COG6: variants seen among roughly 807,000 people sequenced by gnomAD.
The protein encoded by COG6 is conserved oligomeric Golgi complex subunit 6.
Under a neutral mutation model 88.8 loss-of-function variants are expected in COG6, and 74 were observed. The ratio of observed to expected loss-of-function variants is 0.83; its 90% CI spans 0.69 to 1.01. COG6 has a LOEUF of 1.01. Ranked by LOEUF, COG6 falls within the 50% of genes least tolerant of loss-of-function variation. COG6 has a pLI of 0.00. For missense variants in COG6, 800 were observed against 797.9 expected (o/e 1.00, Z -0.03); for synonymous variants, 286 against 278.7 (o/e 1.03, Z -0.26).
chr13:39,704,539 G>T (rs1253050785), intron 13 of COG6, among the ~76,000 whole-genome samples: 2 of 152,164 alleles, frequency 1.3e-5, no homozygotes, highest in Non-Finnish European at 2.9e-5. Flanking sequence ...ACATTGAGTA[G>T]GCTGAGGAGG....
chr13:39,767,716 A>G (rs1157771714), intron 18 of COG6, among the ~76,000 whole-genome samples: 1 of 152,124 alleles, frequency 6.6e-6, no homozygotes, highest in Non-Finnish European at 1.5e-5. Context: ...GCTTGGAAGT[A>G]TTTCACCCCT....
At chr13:39,723,232 G>T in intron 15 of COG6, 101 bp from the exon 16 acceptor site, 1 of 735,498 alleles carries the variant, frequency 1.4e-6, no homozygotes, top group East Asian at 2.6e-5. Context: ...TGTTACAGAG[G>T]TGATCCCTGT....
rs751000285 is a variant in COG6, at chr13:39,660,828, G to A, written c.316G>A (p.Glu106Lys). The A allele has an allele frequency of 1.2e-6, 2 of 1,608,738 alleles. No individual in the cohort carries two copies. Among genetic ancestry groups the A allele is most frequent in the Non-Finnish European group, 1.7e-6 (2 of 1,175,644 alleles). The change falls in exon 3 of 19, where the codon GAA (glutamate) becomes AAA (lysine). Residue 106 changes from glutamate (E) to lysine (K), a missense_variant. By Grantham distance (56) the Glu-to-Lys change is moderately conservative. Transcript: ENST00000455146. ...TTTTCAGGAACTTGAAAGCATAAGC[G>A]AAGATGTTCAAGCAATGAGCAACTG... is the stretch of plus-strand genomic sequence containing the variant. ...EVKEELESIS[E>K]DVQAMSNCCQ... is the part of the protein sequence containing the mutation.
chr13:39,753,103 T>C (rs535071639), downstream of COG6, among the ~76,000 whole-genome samples: 18 of 152,364 alleles, frequency 1.2e-4, no homozygotes, highest in South Asian at 2.3e-3. Flanking sequence ...GTAGTTGGAA[T>C]GTTTATGTTT....
intron 13 of COG6, among the ~76,000 whole-genome samples, chr13:39,718,143 A>G (rs1253007484): frequency 6.6e-6 from 1 of 152,150 alleles, no homozygotes; most frequent in African/African-American, 2.4e-5. Context: ...CATGCTGTGC[A>G]TGGACTATAT....
chr13:39,698,619 T>G (rs1235793594), intron 12 of COG6, among the ~76,000 whole-genome samples: 2 of 151,940 alleles, frequency 1.3e-5, no homozygotes, highest in Non-Finnish European at 2.9e-5. Context: ...ATCAGTAAAC[T>G]TGCTGTGTTT....
intron 12 of COG6, among the ~76,000 whole-genome samples, chr13:39,699,053 T>G (rs914077520): frequency 1.3e-5 from 2 of 151,880 alleles, no homozygotes; most frequent in Non-Finnish European, 2.9e-5. Flanking sequence ...GGTGTGTTAT[T>G]GATATAGTAT....
intron 12 of COG6, among the ~76,000 whole-genome samples, chr13:39,697,175 G>T (rs556299186): frequency 6.6e-6 from 1 of 151,700 alleles, no homozygotes; most frequent in East Asian, 1.9e-4. Flanking sequence ...AAATAATACA[G>T]AGAGAAATCA....
At chr13:39,709,184 A>G (rs1263567532) in intron 13 of COG6, among the ~76,000 whole-genome samples, 3 of 152,186 alleles carry the variant, frequency 2.0e-5, no homozygotes, top group Non-Finnish European at 2.9e-5. Flanking sequence ...CCTAGGTCAC[A>G]TAGTCACTAA....
At chr13:39,698,942 A>G (rs1877422352) in intron 12 of COG6, among the ~76,000 whole-genome samples, 1 of 151,886 alleles carries the variant, frequency 6.6e-6, no homozygotes, top group Non-Finnish European at 1.5e-5. Flanking sequence ...TATGGAATGT[A>G]CTAATGTAAT....
chr13:39,726,141 C>T (rs1311471220), intron 17 of COG6, among the ~76,000 whole-genome samples: 1 of 151,836 alleles, frequency 6.6e-6, no homozygotes, highest in Non-Finnish European at 1.5e-5. Flanking sequence ...TTGTTGTCTC[C>T]ATTTAGGGGT....
At chr13:39,747,362 A>G (rs769909638) in intron 18 of COG6, among the ~76,000 whole-genome samples, 3 of 152,116 alleles carry the variant, frequency 2.0e-5, no homozygotes, top group Non-Finnish European at 4.4e-5. Flanking sequence ...CTCCCTTTTC[A>G]TTTTATTTCT....
intron 11 of COG6, among the ~76,000 whole-genome samples, 189 bp downstream of exon 11, chr13:39,690,013 G>A (rs961798300): frequency 6.6e-6 from 1 of 151,568 alleles, no homozygotes; most frequent in Non-Finnish European, 1.5e-5. Flanking sequence ...AAAGAAAATT[G>A]GAAATATTTG....
At chr13:39,747,204 GA>G (rs1347329796) in intron 18 of COG6, among the ~76,000 whole-genome samples, 4 of 152,144 alleles carry the variant, frequency 2.6e-5, no homozygotes, top group Admixed American at 6.6e-5. Context: ...GAACTGATTA[GA>G]AAATACTTAA....
At chr13:39,727,684 T>G (rs1343447833) in intron 18 of COG6, 136 bp downstream of exon 18, 2 of 726,862 alleles carry the variant, frequency 2.8e-6, no homozygotes, top group African/African-American at 3.5e-5. Flanking sequence ...ACCTTTCTTC[T>G]GCCTTGGCAT....
chr13:39,737,620 G>A (rs903156759), intron 18 of COG6, among the ~76,000 whole-genome samples: 4 of 151,342 alleles, frequency 2.6e-5, no homozygotes, highest in East Asian at 1.9e-4. Context: ...CTGGGGTTGC[G>A]GGAGGAGTGA....
At chr13:39,777,809 G>A (rs1593486865) in intron 18 of COG6, among the ~76,000 whole-genome samples, 4 of 152,184 alleles carry the variant, frequency 2.6e-5, no homozygotes, top group Admixed American at 2.6e-4. Context: ...AGTAGGGAAT[G>A]TATGTTTGCT....
downstream of COG6, among the ~76,000 whole-genome samples, chr13:39,753,153 G>A (rs555387250): frequency 6.6e-6 from 1 of 152,292 alleles, no homozygotes; most frequent in African/African-American, 2.4e-5. Context: ...TCAGGGGATG[G>A]TATTAGGAGG....
At chr13:39,749,545 T>G (rs1880513681) in intron 18 of COG6, among the ~76,000 whole-genome samples, 1 of 152,168 alleles carries the variant, frequency 6.6e-6, no homozygotes, top group Non-Finnish European at 1.5e-5. Flanking sequence ...TTAGGAGTGG[T>G]AAAAGCTATA....
Sources: gnomAD v4.1 joint callset for allele counts (sites outside exome capture counted in the v4.1 genomes callset) on GRCh38, gnomAD v4.1.1 for gene constraint, MANE v1.5 for transcripts, NCBI Gene and HGNC (gene_info 2026-07-23, HGNC 2026-07-21) for gene names.